DCK: variants seen among roughly 807,000 people sequenced by gnomAD.
DCK encodes the protein deoxyadenosine kinase.
A neutral mutation model predicts 38.3 loss-of-function variants in DCK; 23 were observed. That is an observed-to-expected ratio of 0.60 (90% CI 0.43 to 0.85). The LOEUF (loss-of-function observed/expected upper bound fraction) is 0.85, where lower values mean the gene tolerates loss of function less well. DCK is among the 40% of genes least tolerant of loss of function. DCK has a pLI of 0.00. For missense variants in DCK, 259 were observed against 304.4 expected, an observed-to-expected ratio of 0.85 and a Z score of 1.11; for synonymous variants, 108 against 100.6, an observed-to-expected ratio of 1.07 and a Z score of -0.44.
intron 2 of DCK, among the ~76,000 whole-genome samples, 198 bp downstream of exon 2, chr4:70,998,380 C>T (rs932939392): frequency 2.0e-5 from 3 of 151,162 alleles, no homozygotes; most frequent in African/African-American, 7.3e-5. Context: ...ATGGATTCAA[C>T]CAATCATGAA....
At chr4:71,026,531 G>A in intron 5 of DCK, 134 bp from the exon 6 acceptor site, 1 of 637,538 alleles carries the variant, frequency 1.6e-6, no homozygotes, top group South Asian at 1.8e-5. Flanking sequence ...GCCAGATGAA[G>A]TACTGCAAAG....
chr4:70,997,191 T>C (rs1362968085), intron 1 of DCK, among the ~76,000 whole-genome samples: 2 of 152,200 alleles, frequency 1.3e-5, no homozygotes, highest in Admixed American at 1.3e-4. Context: ...ATTTTTTTAT[T>C]TGTTCCTTGG....
At position 71,001,148 on chromosome 4, in the gene DCK, G is replaced by T. The variant is rs535593224; in HGVS notation, c.207+2966G>T. Reference sequence around the variant, plus strand: ...GTTTGTCATAAATAGCTCTTATTTTGAGATACATTTCATCAATACCTAGTT... The same window carrying T: ...GTTTGTCATAAATAGCTCTTATTTTTAGATACATTTCATCAATACCTAGTT... On this transcript the variant is annotated intron_variant, in intron 2 of 6. Transcript: ENST00000286648. Among the ~76,000 whole-genome samples, 16 of 152,238 alleles carry T rather than the reference G, an allele frequency of 1.1e-4. 1 individual carries two copies. Among genetic ancestry groups the T allele is most frequent in the African/African-American group, 3.6e-4 (15 of 41,536 alleles).
chr4:71,027,573 T>C (rs576895085), intron 6 of DCK, among the ~76,000 whole-genome samples: 12 of 152,140 alleles, frequency 7.9e-5, no homozygotes, highest in Non-Finnish European at 1.5e-4. Flanking sequence ...TTGAGAAAAA[T>C]TTGATTTTTC....
intron 2 of DCK, among the ~76,000 whole-genome samples, chr4:71,010,250 AG>A (rs1294273772): frequency 6.6e-6 from 1 of 151,384 alleles, no homozygotes; most frequent in African/African-American, 2.4e-5. Flanking sequence ...TTGGCAAAAT[AG>A]TAAGAGGCAA....
At chr4:71,018,302 G>C (rs1305964312) in intron 2 of DCK, among the ~76,000 whole-genome samples, 1 of 151,406 alleles carries the variant, frequency 6.6e-6, no homozygotes, top group African/African-American at 2.4e-5. Context: ...ATTTTTTTTG[G>C]TATTTTTAGT....
At chr4:71,024,971 A>C (rs1740511019) in intron 4 of DCK, among the ~76,000 whole-genome samples, 1 of 152,098 alleles carries the variant, frequency 6.6e-6, no homozygotes, top group Non-Finnish European at 1.5e-5. Context: ...TGTTTCTGAT[A>C]TCTTTGGATG....
rs1484578742 is a variant in DCK, at chr4:71,030,363, T to C, written c.*985T>C. 1 of 152,180 alleles carries C rather than the reference T, an allele frequency of 6.6e-6. No homozygotes were observed. Among genetic ancestry groups the C allele is most frequent in the Admixed American group, 6.5e-5 (1 of 15,280 alleles). The allele number at this position is 152,180 out of a possible 1,614,324, so 9.4% of individuals were successfully genotyped here. On this transcript the variant is annotated 3_prime_UTR_variant, in exon 7 of 7. Transcript: ENST00000286648. ...TCCTGTGTATTAAACCTTTCCATTT[T>C]ACGTTTTAGAAAATTTTATGTATTT...
chr4:70,998,250 T>C, intron 2 of DCK, 68 bp downstream of exon 2: 1 of 678,096 alleles, frequency 1.5e-6, no homozygotes. Context: ...TTAATCTCTT[T>C]TTCTTTTTCT....
chr4:71,019,075 C>T (rs1023613431), intron 2 of DCK, among the ~76,000 whole-genome samples: 3 of 152,128 alleles, frequency 2.0e-5, no homozygotes, highest in Admixed American at 6.5e-5. Flanking sequence ...TTTTATATGA[C>T]TCATAAGTTA....
intron 2 of DCK, among the ~76,000 whole-genome samples, chr4:71,008,335 C>A (rs993826504): frequency 1.1e-4 from 16 of 152,106 alleles, no homozygotes; most frequent in Admixed American, 8.5e-4. Context: ...TGAGTGTTTA[C>A]TATTTTTTTG....
intron 2 of DCK, among the ~76,000 whole-genome samples, chr4:70,999,267 G>A (rs983546970): frequency 2.6e-5 from 4 of 152,096 alleles, no homozygotes; most frequent in East Asian, 1.9e-4. Context: ...TAGAACATGC[G>A]GTGTTTGGTT....
intron 6 of DCK, among the ~76,000 whole-genome samples, chr4:71,027,533 A>G (rs570494157): frequency 1.3e-5 from 2 of 152,266 alleles, no homozygotes; most frequent in South Asian, 2.1e-4. Context: ...TGATTAAGCT[A>G]TAAAGAAGAA....
intron 6 of DCK, 79 bp from the exon 7 acceptor site, chr4:71,029,273 A>T: frequency 1.1e-6 from 1 of 918,186 alleles, no homozygotes; most frequent in Non-Finnish European, 1.7e-6. Context: ...ACTATTATAT[A>T]CTTTTAAATG....
intron 2 of DCK, among the ~76,000 whole-genome samples, chr4:71,010,164 A>C: frequency 8.1e-6 from 1 of 123,536 alleles, no homozygotes; most frequent in African/African-American, 3.7e-5. Context: ...TTGCTGTTTT[A>C]GCTTTTTTTT....
rs1378480350 is a variant in DCK at position 71,029,397 on chromosome 4, G to GT, written c.*19_*20insT. On this transcript the variant is annotated 3_prime_UTR_variant, in exon 7 of 7. Coordinates refer to ENST00000286648, the MANE Select transcript of DCK (RefSeq NM_000788.3). ...TTTGTGATCTTGCTGAAGACTACAG[G>GT]CAGCCAAATGGTTCCAGATACTTCA... 1 of 1,595,176 alleles carries GT rather than the reference G, an allele frequency of 6.3e-7. No individual in the cohort carries two copies. Among genetic ancestry groups the GT allele is most frequent in the African/African-American group, 1.3e-5 (1 of 74,378 alleles).
Position 71,029,394 on chromosome 4 carries a change from C to T in DCK, c.*16C>T. Reference sequence around the variant, plus strand: ...TACTTTGTGATCTTGCTGAAGACTACAGGCAGCCAAATGGTTCCAGATACT... The same window carrying T: ...TACTTTGTGATCTTGCTGAAGACTATAGGCAGCCAAATGGTTCCAGATACT... On this transcript the variant is annotated 3_prime_UTR_variant, in exon 7 of 7. Transcript: ENST00000286648. 1 of 1,598,688 alleles carries T rather than the reference C, an allele frequency of 6.3e-7. No homozygotes were observed.
At chr4:71,004,564 C>G (rs573423588) in intron 2 of DCK, among the ~76,000 whole-genome samples, 66 of 152,346 alleles carry the variant, frequency 4.3e-4, no homozygotes, top group African/African-American at 1.5e-3. Flanking sequence ...CTCACAGCCA[C>G]GCCTTCCCCC....
intron 2 of DCK, among the ~76,000 whole-genome samples, chr4:70,998,909 T>C (rs1353641561): frequency 3.3e-5 from 5 of 149,838 alleles, no homozygotes; most frequent in Non-Finnish European, 3.0e-5. Flanking sequence ...GGTGACAGAA[T>C]GAGACACTGT....
Sources: allele counts gnomAD v4.1 joint callset (sites outside exome capture counted in the v4.1 genomes callset), GRCh38; gene constraint gnomAD v4.1.1; transcripts MANE v1.5; gene names NCBI Gene and HGNC (gene_info 2026-07-23, HGNC 2026-07-21).